Variants in DYRK2 observed in about 807,000 individuals in gnomAD.
The protein encoded by DYRK2 is dual specificity tyrosine-phosphorylation-regulated kinase 2.
Under a neutral mutation model 41.6 loss-of-function variants are expected in DYRK2, and 12 were observed. The observed-to-expected ratio is 0.29, with a 90% confidence interval of 0.18 to 0.47. The LOEUF is 0.47. DYRK2 is among the 20% of genes least tolerant of loss of function. DYRK2 has a pLI of 1.00. For missense variants in DYRK2, 678 were observed against 798.4 expected, an observed-to-expected ratio of 0.85 and a Z score of 1.82; for synonymous variants, 322 against 315.7, an observed-to-expected ratio of 1.02 and a Z score of -0.21.
In DYRK2 at chr12:67,657,945, C is replaced by T; in HGVS notation, c.1038C>T (p.His346=). ...LDALHKNRII[H]CDLKPENILL... ...CTTTGCACAAAAACAGAATAATTCACTGTGACCTTAAGCCCGAGAACATTT... is the reference window on the plus strand; with the variant it reads ...CTTTGCACAAAAACAGAATAATTCATTGTGACCTTAAGCCCGAGAACATTT... The change falls in exon 3 of 3, where the codon CAC becomes CAT. Residue 346 remains histidine (H), a synonymous_variant. Coordinates refer to ENST00000344096, the MANE Select transcript of DYRK2 (RefSeq NM_006482.3). The surrounding 1 kb of genome is among the most constrained non-coding windows in gnomAD (Gnocchi z 4.8). 1 of 1,614,246 alleles carries T rather than the reference C, an allele frequency of 6.2e-7. No homozygotes were observed. Among genetic ancestry groups the T allele is most frequent in the Non-Finnish European group, 8.5e-7 (1 of 1,180,048 alleles).
In DYRK2 at chr12:67,661,796, A is replaced by AT. The variant is rs11339124; in HGVS notation, c.*3093dup. The AT allele has an allele frequency of 1.8e-3, 285 of 162,732 alleles. 2 individuals carry two copies. The highest frequency in any genetic ancestry group is 4.1e-3 in the African/African-American group (169 of 41,218). The allele number at this position is 162,732 out of a possible 1,614,324, so 10.1% of individuals were successfully genotyped here. ...ATCTTAACATCAGACTGATTTTTAC[A>AT]TTTTTTTTTTGTTATGCTAACACTA... On this transcript the variant is annotated 3_prime_UTR_variant, in exon 3 of 3. Coordinates refer to ENST00000344096, the MANE Select transcript of DYRK2 (RefSeq NM_006482.3).
rs939864512 is a variant in DYRK2 at position 67,660,622 on chromosome 12, CAAT to C, written c.*1914_*1916del. ...CATTTCTGTGTAATCTGTGGAAGTG[CAAT>C]AATATGTTAGTAAGTTACATTTTAA... is the stretch of plus-strand genomic sequence containing the variant. On this transcript the variant is annotated 3_prime_UTR_variant, in exon 3 of 3. Transcript: ENST00000344096. 9 of 166,722 alleles carry C rather than the reference CAAT, an allele frequency of 5.4e-5. No individual in the cohort carries two copies. Among genetic ancestry groups the C allele is most frequent in the Non-Finnish European group, 1.0e-4 (7 of 68,088 alleles). The allele number at this position is 166,722 out of a possible 1,614,324, so 10.3% of individuals were successfully genotyped here.
At chr12:67,655,475 G>A (rs1872441232) in intron 2 of DYRK2, among the ~76,000 whole-genome samples, 1 of 152,162 alleles carries the variant, frequency 6.6e-6, no homozygotes, top group African/African-American at 2.4e-5. Context: ...TTTATGGACT[G>A]CCCTGCTTTT....
In DYRK2 at chr12:67,663,072, C is replaced by A. The variant is rs977471826; in HGVS notation, c.*4359C>A. The A allele has an allele frequency of 3.3e-5, 5 of 152,038 alleles. No individual in the cohort carries two copies. The highest frequency in any genetic ancestry group is 1.2e-4 in the African/African-American group (5 of 41,402). The allele number at this position is 152,038 out of a possible 1,614,324, so 9.4% of individuals were successfully genotyped here. Reference sequence around the variant, plus strand: ...CAATTATTCCCCACCAGTCTTCATTCTTTTCTCTGCACAAGTTCTGGTAAA... The same window carrying A: ...CAATTATTCCCCACCAGTCTTCATTATTTTCTCTGCACAAGTTCTGGTAAA... On this transcript the variant is annotated 3_prime_UTR_variant, in exon 3 of 3. Coordinates refer to ENST00000344096, the MANE Select transcript of DYRK2 (RefSeq NM_006482.3).
chr12:67,655,502 A>G (rs1326827707), intron 2 of DYRK2, among the ~76,000 whole-genome samples: 1 of 152,208 alleles, frequency 6.6e-6, no homozygotes, highest in Non-Finnish European at 1.5e-5. Context: ...GAACAAGGGT[A>G]AAATAACCTT....
intron 2 of DYRK2, among the ~76,000 whole-genome samples, chr12:67,653,423 C>T (rs1872378989): frequency 6.6e-6 from 1 of 151,622 alleles, no homozygotes; most frequent in Admixed American, 6.6e-5. Context: ...TTTGCTAGAG[C>T]TTCTCAAATG....
In DYRK2 at chr12:67,653,180, C is replaced by T. The variant is rs1010579700; in HGVS notation, c.198+3235C>T. Among the ~76,000 whole-genome samples, 10 of 152,200 alleles carry T rather than the reference C, an allele frequency of 6.6e-5. No homozygotes were observed. In the South Asian group the frequency reaches 1.0e-3, roughly 16 times the overall value. On this transcript the variant is annotated intron_variant, in intron 2 of 2. Coordinates refer to ENST00000344096, the MANE Select transcript of DYRK2 (RefSeq NM_006482.3). ...CACACTGTGCTATACATTGGCATAT[C>T]GGAATAAGCCATGATCTCAGACTTC...
At position 67,658,795 on chromosome 12, in the gene DYRK2, GT is replaced by G; in HGVS notation, c.*87del. ...GGTTGAAAAGGAGTAGCTCAGACCTGTTTTTATTTGCTCAATAACTCTACTC... is the reference window on the plus strand; with the variant it reads ...GGTTGAAAAGGAGTAGCTCAGACCTGTTTTATTTGCTCAATAACTCTACTC... On this transcript the variant is annotated 3_prime_UTR_variant, in exon 3 of 3. Transcript: ENST00000344096. This position sits in a 1 kb window ranked among gnomAD's most constrained non-coding sequence, Gnocchi z 4.3. 1 of 1,396,138 alleles carries G rather than the reference GT, an allele frequency of 7.2e-7. No individual in the cohort carries two copies. Among genetic ancestry groups the G allele is most frequent in the Non-Finnish European group, 9.6e-7 (1 of 1,040,258 alleles). The allele number at this position is 1,396,138 out of a possible 1,614,324, so 86.5% of individuals were successfully genotyped here.
Position 67,664,334 on chromosome 12 carries a change from T to C in DYRK2, c.*5621T>C, listed in dbSNP as rs1185336408. The stretch of plus-strand genomic sequence containing the variant: ...TAATGAGGAAACTAATGAGTTAATA[T>C]TAACTCTTCTGAAGAAAGCTGACAT... On this transcript the variant is annotated 3_prime_UTR_variant, in exon 3 of 3. Coordinates refer to ENST00000344096, the MANE Select transcript of DYRK2 (RefSeq NM_006482.3). The C allele has an allele frequency of 6.6e-6, 1 of 152,120 alleles. No individual in the cohort carries two copies. The highest frequency in any genetic ancestry group is 2.4e-5 in the African/African-American group (1 of 41,438). The allele number at this position is 152,120 out of a possible 1,614,324, so 9.4% of individuals were successfully genotyped here.
chr12:67,649,198 C>T lies in DYRK2; in HGVS notation c.49+16C>T, dbSNP rs765127293. 5.4e-6 allele frequency: 8 copies of T among 1,489,818 alleles called. No homozygotes were observed. Among genetic ancestry groups the T allele is most frequent in the South Asian group, 1.3e-5 (1 of 78,314 alleles). 92.3% of individuals were successfully genotyped at this position (1,489,818 alleles called of 1,614,324 possible). On this transcript the variant is annotated intron_variant, in intron 1 of 2. Coordinates refer to ENST00000344096, the MANE Select transcript of DYRK2 (RefSeq NM_006482.3). ...TACCCGACCGGTAAGGAGGCCGTGC[C>T]GCCGCGCCGCATCCCCGGACCCCCG...
In DYRK2 at chr12:67,661,142, A is replaced by G. The variant is rs1025015902; in HGVS notation, c.*2429A>G. The G allele has an allele frequency of 6.0e-6, 1 of 166,684 alleles. No homozygotes were observed. The highest frequency in any genetic ancestry group is 2.4e-5 in the African/African-American group (1 of 41,390). The allele number at this position is 166,684 out of a possible 1,614,324, so 10.3% of individuals were successfully genotyped here. A position where few individuals can be genotyped will look rare whatever the true frequency, so the allele number is the denominator to read the frequency against. On this transcript the variant is annotated 3_prime_UTR_variant, in exon 3 of 3. Coordinates refer to ENST00000344096, the MANE Select transcript of DYRK2 (RefSeq NM_006482.3). ...AATACAGTGAAATTTTTTTATTCACAAGAGCTGCCACATCTCAGCATTTAG... is the reference window on the plus strand; with the variant it reads ...AATACAGTGAAATTTTTTTATTCACGAGAGCTGCCACATCTCAGCATTTAG...
chr12:67,662,020 G>T lies in DYRK2; in HGVS notation c.*3307G>T, dbSNP rs1453297759. On this transcript the variant is annotated 3_prime_UTR_variant, in exon 3 of 3. Coordinates refer to ENST00000344096, the MANE Select transcript of DYRK2 (RefSeq NM_006482.3). ...TAAACTTAATGGGTGGTTTGGGGTCGTGTTAAATGACTCCATCAGAATGTT... is the reference window on the plus strand; with the variant it reads ...TAAACTTAATGGGTGGTTTGGGGTCTTGTTAAATGACTCCATCAGAATGTT... 6.0e-6 allele frequency: 1 copy of T among 166,146 alleles called. No homozygotes were observed. The highest frequency in any genetic ancestry group is 1.5e-5 in the Non-Finnish European group (1 of 68,078). 10.3% of individuals were successfully genotyped at this position (166,146 alleles called of 1,614,324 possible).
chr12:67,649,688 C>G (rs1374479255), intron 1 of DYRK2, 109 bp from the exon 2 acceptor site: 10 of 1,175,672 alleles, frequency 8.5e-6, no homozygotes, highest in Non-Finnish European at 2.1e-6. Flanking sequence ...TCTCTTCCTC[C>G]GTCTTTCTTT....
At chr12:67,653,116 C>T (rs1872370570) in intron 2 of DYRK2, among the ~76,000 whole-genome samples, 1 of 152,138 alleles carries the variant, frequency 6.6e-6, no homozygotes, top group Non-Finnish European at 1.5e-5. Flanking sequence ...AGGATTGAGC[C>T]CCTGTGCCCG....
At chr12:67,656,052 A>G (rs1872459686) in intron 2 of DYRK2, among the ~76,000 whole-genome samples, 1 of 152,150 alleles carries the variant, frequency 6.6e-6, no homozygotes, top group African/African-American at 2.4e-5. Flanking sequence ...TTCATACAGA[A>G]ATCACCTGCC....
At chr12:67,650,061 C>A (rs1326295787) in intron 2 of DYRK2, 116 bp downstream of exon 2, 4 of 1,105,218 alleles carry the variant, frequency 3.6e-6, no homozygotes, top group Non-Finnish European at 4.6e-6. Flanking sequence ...TACAAGCAGC[C>A]CCACGCCTCG....
At chr12:67,650,411 C>A (rs541191633) in intron 2 of DYRK2, among the ~76,000 whole-genome samples, 1 of 152,362 alleles carries the variant, frequency 6.6e-6, no homozygotes, top group South Asian at 2.1e-4. Context: ...GGCCTGGCTC[C>A]AGCCAGCAGG....
In DYRK2 at chr12:67,658,964, A is replaced by G; in HGVS notation, c.*251A>G. 5.7e-6 allele frequency: 2 copies of G among 349,662 alleles called. No individual in the cohort carries two copies. The highest frequency in any genetic ancestry group is 1.1e-5 in the Non-Finnish European group (2 of 187,528). 21.7% of individuals were successfully genotyped at this position (349,662 alleles called of 1,614,324 possible). A position where few individuals can be genotyped will look rare whatever the true frequency, so the allele number is the denominator to read the frequency against. ...AAGTACAATGAGCCTTACTGTATTT[A>G]GTGTGGCAGAATAATAACATCAGTG... On this transcript the variant is annotated 3_prime_UTR_variant, in exon 3 of 3. Transcript: ENST00000344096. This position sits in a 1 kb window ranked among gnomAD's most constrained non-coding sequence, Gnocchi z 4.3.
At position 67,649,049 on chromosome 12, in the gene DYRK2, AGGCGGCGGC is replaced by A; in HGVS notation, c.-78_-70del. On this transcript the variant is annotated 5_prime_UTR_variant, in exon 1 of 3. Transcript: ENST00000344096. ...GGGACCCGCGCGAGGGGCGGCCGGG[AGGCGGCGGC>A]GGCGGCCGCCAGAAGTAGCAGCAGG... 2.5e-5 allele frequency: 30 copies of A among 1,192,026 alleles called. No individual in the cohort carries two copies. Among genetic ancestry groups the A allele is most frequent in the Non-Finnish European group, 3.3e-5 (30 of 902,754 alleles). 73.8% of individuals were successfully genotyped at this position (1,192,026 alleles called of 1,614,324 possible).
Sources: gnomAD v4.1 joint callset for allele counts (sites outside exome capture counted in the v4.1 genomes callset) on GRCh38, gnomAD v4.1.1 for gene constraint, Gnocchi (gnomAD v3.1) non-coding constraint, MANE v1.5 for transcripts, NCBI Gene and HGNC (gene_info 2026-07-23, HGNC 2026-07-21) for gene names.